Variants in LINGO1 observed in about 807,000 individuals in gnomAD.
LINGO1 encodes leucine rich repeat and Ig domain containing 1, also known as leucine-rich repeat and immunoglobulin-like domain-containing nogo receptor-interacting protein 1.
Under a neutral mutation model 37.3 loss-of-function variants are expected in LINGO1, and 11 were observed. That is an observed-to-expected ratio of 0.29 (90% CI 0.19 to 0.49). The LOEUF (loss-of-function observed/expected upper bound fraction) is 0.49, where lower values mean the gene tolerates loss of function less well. LINGO1 is among the 20% of genes least tolerant of loss of function. LINGO1 has a pLI of 0.99. For synonymous variants in LINGO1, 387 were observed against 403.0 expected, an observed-to-expected ratio of 0.96 and a Z score of 0.48; for missense variants, 585 against 878.2, an observed-to-expected ratio of 0.67 and a Z score of 4.22.
At chr15:77,685,156 TG>T (rs2075484720) in intron 2 of LINGO1, among the ~76,000 whole-genome samples, 1 of 10,290 alleles carries the variant, frequency 9.7e-5, no homozygotes, top group South Asian at 3.7e-3. Flanking sequence ...CTGCAGGGGA[TG>T]GGGTGGGTGG....
chr15:77,788,015 C>T (rs1159183380), upstream of LINGO1: 4 of 152,232 alleles, frequency 2.6e-5, no homozygotes, highest in East Asian at 5.8e-4. Context: ...CATAGAACCC[C>T]GGAGCCACAC....
Position 77,677,819 on chromosome 15 carries a change from TCCCTCCA to T in LINGO1, c.-98-652_-98-646del, listed in dbSNP as rs1355746402. Among the ~76,000 whole-genome samples the T allele has an allele frequency of 1.4e-3, 212 of 151,480 alleles. 1 individual carries two copies. The highest frequency in any genetic ancestry group is 7.6e-3 in the East Asian group (39 of 5,106). Reference sequence around the variant, plus strand: ...AGGTGCTGTCTCCCTTCCTCCCTCCTCCCTCCACCCTCCTCCCAGACCATCCTGCCCA... The same window carrying T: ...AGGTGCTGTCTCCCTTCCTCCCTCCTCCCTCCTCCCAGACCATCCTGCCCA... On this transcript the variant is annotated intron_variant, in intron 2 of 3. Transcript: ENST00000559893.
At chr15:77,771,561 C>T (rs780114745) in intron 1 of LINGO1, among the ~76,000 whole-genome samples, 7 of 152,194 alleles carry the variant, frequency 4.6e-5, no homozygotes, top group Non-Finnish European at 8.8e-5. Flanking sequence ...AGCAAGTTCT[C>T]GGATCATGGG....
intron 1 of LINGO1, among the ~76,000 whole-genome samples, chr15:77,803,003 T>C (rs1334131813): frequency 6.6e-6 from 1 of 152,166 alleles, no homozygotes; most frequent in African/African-American, 2.4e-5. Context: ...GCCTCCTGTG[T>C]TCCTCAACAG....
chr15:77,719,823 C>T (rs1291697760), intron 2 of LINGO1, among the ~76,000 whole-genome samples: 1 of 149,384 alleles, frequency 6.7e-6, no homozygotes, highest in Non-Finnish European at 1.5e-5. Flanking sequence ...CGCTTTCATA[C>T]ACACATATGT....
chr15:77,699,654 T>TAAGCACATACTAACCATCATCTGCAC (rs2075749714), upstream of LINGO1, among the ~76,000 whole-genome samples: 1 of 3,582 alleles, frequency 2.8e-4, no homozygotes, highest in African/African-American at 7.7e-4. Context: ...ATCATCTGCA[T>TAAGCACATACTAACCATCATCTGCAC]ACAGTAAGCA....
chr15:77,615,925 CAG>C, intron 1 of LINGO1, 25 bp from the exon 2 acceptor site: 2 of 1,443,630 alleles, frequency 1.4e-6, no homozygotes, highest in Non-Finnish European at 1.8e-6. Flanking sequence ...AAGCACAGGA[CAG>C]AGGTGGCGGT....
chr15:77,777,226 T>C (rs1390246271), intron 1 of LINGO1, among the ~76,000 whole-genome samples: 4 of 151,456 alleles, frequency 2.6e-5, no homozygotes, highest in Non-Finnish European at 4.4e-5. Flanking sequence ...GCCAGTGGTG[T>C]GTGGTGGTAT....
chr15:77,718,615 G>A (rs2076013242), intron 2 of LINGO1, among the ~76,000 whole-genome samples: 1 of 150,956 alleles, frequency 6.6e-6, no homozygotes, highest in South Asian at 2.1e-4. Flanking sequence ...CACGCTGGGA[G>A]CCAGCCTGCA....
intron 2 of LINGO1, among the ~76,000 whole-genome samples, chr15:77,723,641 C>A (rs942636869): frequency 7.2e-5 from 11 of 152,152 alleles, no homozygotes; most frequent in African/African-American, 2.7e-4. Context: ...CCGGGCCCCA[C>A]CCTAGTCCAG....
intron 2 of LINGO1, among the ~76,000 whole-genome samples, chr15:77,729,595 C>T (rs148406835): frequency 6.9e-4 from 105 of 152,248 alleles, no homozygotes; most frequent in Non-Finnish European, 4.0e-4. Flanking sequence ...TGGAGTTGGC[C>T]AGCCCTCTGA....
chr15:77,748,730 G>A (rs1318226733), intron 1 of LINGO1, among the ~76,000 whole-genome samples: 1 of 151,794 alleles, frequency 6.6e-6, no homozygotes, highest in East Asian at 1.9e-4. Context: ...GCGGTGCAGG[G>A]GAGAGACAGA....
At chr15:77,640,266 C>T (rs1403964210) in intron 3 of LINGO1, among the ~76,000 whole-genome samples, 1 of 152,194 alleles carries the variant, frequency 6.6e-6, no homozygotes, top group African/African-American at 2.4e-5. Context: ...ACCCTGTGAG[C>T]CAAGCCTGGT....
intron 1 of LINGO1, among the ~76,000 whole-genome samples, chr15:77,818,517 C>A (rs1445132797): frequency 3.3e-5 from 5 of 152,220 alleles, no homozygotes; most frequent in Non-Finnish European, 7.3e-5. Flanking sequence ...CCTGGAGACG[C>A]CCCCGGCCTC....
At chr15:77,745,342 C>T (rs1356733519) in intron 1 of LINGO1, among the ~76,000 whole-genome samples, 3 of 150,906 alleles carry the variant, frequency 2.0e-5, no homozygotes, top group East Asian at 2.0e-4. Context: ...AGGAGAATGG[C>T]GTGAACCCGG....
rs561217530 is a variant in LINGO1, at chr15:77,623,021, C to T, written c.7-7121G>A. Reference sequence around the variant, plus strand: ...AGACTGACAGCCTCCGAAGTGGGACCGGGCCTGATACAGCTCCACACTCCC... The same window carrying T: ...AGACTGACAGCCTCCGAAGTGGGACTGGGCCTGATACAGCTCCACACTCCC... On this transcript the variant is annotated intron_variant, in intron 1 of 1. Transcript: ENST00000355300. Among the ~76,000 whole-genome samples the T allele has an allele frequency of 8.9e-4, 136 of 152,192 alleles. 2 individuals carry two copies. The highest frequency in any genetic ancestry group is 1.4e-3 in the Non-Finnish European group (97 of 68,030).
At chr15:77,645,124 A>G (rs902384415) in intron 3 of LINGO1, among the ~76,000 whole-genome samples, 2 of 152,188 alleles carry the variant, frequency 1.3e-5, no homozygotes, top group African/African-American at 2.4e-5. Flanking sequence ...AGTGACTCAC[A>G]GGCTGTGGAC....
intron 1 of LINGO1, among the ~76,000 whole-genome samples, chr15:77,777,228 T>C (rs2076665578): frequency 6.6e-6 from 1 of 151,206 alleles, no homozygotes; most frequent in East Asian, 1.9e-4. Flanking sequence ...CAGTGGTGTG[T>C]GGTGGTATTA....
At position 77,774,578 on chromosome 15, in the gene LINGO1, C is replaced by T. The variant is rs186449741; in HGVS notation, c.-257+12291G>A. Among the ~76,000 whole-genome samples the T allele has an allele frequency of 3.1e-4, 47 of 152,244 alleles. No individual in the cohort carries two copies. The East Asian group carries it at 8.7e-3, about 28-fold the overall frequency. ...CACACAATCCCGGGTGCCTGATCCC[C>T]AGCAGGGCATGAGCCCAGTGGCTCA... On this transcript the variant is annotated intron_variant, in intron 1 of 3. Transcript: ENST00000561686.
Sources: gnomAD v4.1 joint callset for allele counts (sites outside exome capture counted in the v4.1 genomes callset) on GRCh38, gnomAD v4.1.1 for gene constraint, MANE v1.5 for transcripts, NCBI Gene and HGNC (gene_info 2026-07-23, HGNC 2026-07-21) for gene names.